MEAK7: variants seen among roughly 807,000 people sequenced by gnomAD.
MEAK7 encodes the protein MTOR associated protein MEAK7, also known as MTOR-associated protein MEAK7.
A neutral mutation model predicts 40.5 loss-of-function variants in MEAK7; 68 were observed. The ratio of observed to expected loss-of-function variants is 1.68; its 90% CI spans 1.38 to 2.06. The LOEUF (loss-of-function observed/expected upper bound fraction) is 2.06. MEAK7 is among the 30% of genes most tolerant of loss of function. MEAK7 has a pLI of 0.00. For missense variants in MEAK7, 918 were observed against 580.5 expected (o/e 1.58, Z -5.98); for synonymous variants, 338 against 231.9 (o/e 1.46, Z -4.16).
chr16:84,489,386 G>C lies in MEAK7; in HGVS notation c.421C>G (p.Leu141Val). 6.2e-7 allele frequency: 1 copy of C among 1,613,980 alleles called. No homozygotes were observed. Among genetic ancestry groups the C allele is most frequent in the Non-Finnish European group, 8.5e-7 (1 of 1,179,946 alleles). Residue 141 changes from leucine (L) to valine (V), a missense_variant, in exon 4 of 8, where the codon CTA becomes GTA. Physicochemically the swap from Leu to Val is conservative, Grantham distance 32. Transcript: ENST00000343629. ...EDLVGSVVHV[L>V]SHRQELRGWT... The stretch of plus-strand genomic sequence containing the variant: ...CCTCTCAGCTCCTGTCTGTGGCTTA[G>C]CACGTGCACCACAGAGCCAACCAGA...
At chr16:84,495,640 A>G (rs1360011486) in intron 3 of MEAK7, 43 bp downstream of exon 3, 4 of 1,599,196 alleles carry the variant, frequency 2.5e-6, no homozygotes, top group Non-Finnish European at 3.4e-6. Flanking sequence ...GATGGTCACC[A>G]AGACTGCTGA....
chr16:84,495,223 C>T (rs1295800936), intron 3 of MEAK7, among the ~76,000 whole-genome samples: 2 of 152,072 alleles, frequency 1.3e-5, no homozygotes, highest in Admixed American at 6.5e-5. Context: ...GAGTCAAGAT[C>T]GCGCCACTCA....
intron 1 of MEAK7, 130 bp from the exon 2 acceptor site, chr16:84,498,241 G>T: frequency 9.0e-7 from 1 of 1,111,744 alleles, no homozygotes; most frequent in Non-Finnish European, 1.2e-6. Context: ...ACACATCAGA[G>T]CTACATAATA....
intron 1 of MEAK7, chr16:84,504,003 C>G (rs1914698269): frequency 3.0e-6 from 3 of 985,508 alleles, no homozygotes; most frequent in Non-Finnish European, 3.6e-6. Flanking sequence ...GGACAGGCTT[C>G]GAAGTCCTGT....
rs1037395996 is a variant in MEAK7, at chr16:84,479,415, G to A, written c.*498C>T. ...GCTAATGCCAGCGGAATTCCCTAATGCCAGCGGAATTCCCTAATGCCAGCG... is the reference window on the plus strand; with the variant it reads ...GCTAATGCCAGCGGAATTCCCTAATACCAGCGGAATTCCCTAATGCCAGCG... On this transcript the variant is annotated 3_prime_UTR_variant, in exon 8 of 8. Coordinates refer to ENST00000343629, the MANE Select transcript of MEAK7 (RefSeq NM_020947.4). The A allele has an allele frequency of 6.7e-6, 1 of 149,912 alleles. No homozygotes were observed. Among genetic ancestry groups the A allele is most frequent in the Non-Finnish European group, 1.5e-5 (1 of 67,624 alleles). 9.3% of individuals were successfully genotyped at this position (149,912 alleles called of 1,614,324 possible).
chr16:84,480,709 C>T lies in MEAK7; in HGVS notation c.1078-1G>A, dbSNP rs754594443. Reference sequence around the variant, plus strand: ...AGTAATTGTGCTGCCCCCCCATACCCTGCAAAGGAAGCCAGGACAGAGAAT... The same window carrying T: ...AGTAATTGTGCTGCCCCCCCATACCTTGCAAAGGAAGCCAGGACAGAGAAT... On this transcript the variant is annotated splice_acceptor_variant, in intron 6 of 7. Transcript: ENST00000343629. LOFTEE classifies it high-confidence loss of function. The T allele has an allele frequency of 6.2e-7, 1 of 1,609,300 alleles. No homozygotes were observed. The highest frequency in any genetic ancestry group is 8.5e-7 in the Non-Finnish European group (1 of 1,177,642).
intron 2 of MEAK7, chr16:84,497,573 C>G (rs1914152567): frequency 7.7e-7 from 1 of 1,301,102 alleles, no homozygotes; most frequent in African/African-American, 1.5e-5. Flanking sequence ...TATCTCTCTC[C>G]TCTGATGTTC....
chr16:84,492,569 T>TTTATTTATTTA (rs112860791), intron 3 of MEAK7, among the ~76,000 whole-genome samples: 12 of 146,702 alleles, frequency 8.2e-5, no homozygotes, highest in East Asian at 3.9e-4. Flanking sequence ...AAGTGTTTTA[T>TTTATTTATTTA]TTTATTTATT....
intron 4 of MEAK7, 194 bp from the exon 5 acceptor site, chr16:84,487,253 G>T (rs1037905685): frequency 5.8e-6 from 3 of 516,694 alleles, no homozygotes; most frequent in South Asian, 7.4e-5. Flanking sequence ...TATGAAAAAA[G>T]AATGTAAAAT....
At chr16:84,502,671 G>A (rs961799723) in intron 1 of MEAK7, 1 of 151,692 alleles carries the variant, frequency 6.6e-6, no homozygotes, top group Non-Finnish European at 1.5e-5. Context: ...AGGAGTTTGA[G>A]ACCAGCCTGG....
intron 3 of MEAK7, among the ~76,000 whole-genome samples, chr16:84,491,790 T>C (rs1913636798): frequency 6.8e-6 from 1 of 147,700 alleles, no homozygotes; most frequent in Admixed American, 6.8e-5. Flanking sequence ...GTGACTGAGA[T>C]CGCGCCACTG....
chr16:84,498,209 A>G, intron 1 of MEAK7, 98 bp from the exon 2 acceptor site: 1 of 1,381,266 alleles, frequency 7.2e-7, no homozygotes, highest in South Asian at 1.4e-5. Flanking sequence ...ATATACTGAT[A>G]TAGCCACAAA....
In MEAK7 at chr16:84,478,439, G is replaced by C. The variant is rs530355401; in HGVS notation, c.*1474C>G. On this transcript the variant is annotated 3_prime_UTR_variant, in exon 8 of 8. Transcript: ENST00000343629. The stretch of plus-strand genomic sequence containing the variant: ...GAAAATGCAAGGCCTGCAAAAATGC[G>C]AACAGCTCGATTTACTATGGCTTAT... 6.6e-6 allele frequency: 1 copy of C among 152,316 alleles called. No individual in the cohort carries two copies. Among genetic ancestry groups the C allele is most frequent in the Non-Finnish European group, 1.5e-5 (1 of 68,036 alleles). The allele number at this position is 152,316 out of a possible 1,614,324, so 9.4% of individuals were successfully genotyped here. A position where few individuals can be genotyped will look rare whatever the true frequency, so the allele number is the denominator to read the frequency against.
chr16:84,491,846 A>G (rs1195274242), intron 3 of MEAK7, among the ~76,000 whole-genome samples: 2 of 152,074 alleles, frequency 1.3e-5, no homozygotes, highest in Non-Finnish European at 2.9e-5. Flanking sequence ...CAAAAAAAAA[A>G]AAAAGAAAAG....
At chr16:84,483,352 A>C (rs777841931) in intron 5 of MEAK7, among the ~76,000 whole-genome samples, 5 of 152,268 alleles carry the variant, frequency 3.3e-5, no homozygotes, top group Non-Finnish European at 7.3e-5. Context: ...CACTGGGGAC[A>C]GGGCCGTAGG....
At position 84,504,585 on chromosome 16, in the gene MEAK7, C is replaced by T. The variant is rs1464019982; in HGVS notation, c.-26+16G>A. The T allele has an allele frequency of 2.0e-6, 2 of 985,722 alleles. No individual in the cohort carries two copies. Among genetic ancestry groups the T allele is most frequent in the African/African-American group, 1.7e-5 (1 of 57,258 alleles). The allele number at this position is 985,722 out of a possible 1,614,324, so 61.1% of individuals were successfully genotyped here. ...CTCTGGGTCAGCTCACTGCGAACCT[C>T]AGCCCAGGTACCTACCCTGCCGGGC... On this transcript the variant is annotated intron_variant, in intron 1 of 7. Coordinates refer to ENST00000343629, the MANE Select transcript of MEAK7 (RefSeq NM_020947.4).
At position 84,476,639 on chromosome 16, in the gene MEAK7, T is replaced by C. The variant is rs1252711669; in HGVS notation, c.*3274A>G. The C allele has an allele frequency of 6.6e-6, 1 of 152,048 alleles. No individual in the cohort carries two copies. The highest frequency in any genetic ancestry group is 2.1e-4 in the South Asian group (1 of 4,812). The allele number at this position is 152,048 out of a possible 1,614,324, so 9.4% of individuals were successfully genotyped here. On this transcript the variant is annotated 3_prime_UTR_variant, in exon 8 of 8. Coordinates refer to ENST00000343629, the MANE Select transcript of MEAK7 (RefSeq NM_020947.4). ...GCTAGGCCCGAGAGCATCCATATGG[T>C]GGGACATCACGCAGTCCATAAAGAC... is the stretch of plus-strand genomic sequence containing the variant.
At position 84,477,688 on chromosome 16, in the gene MEAK7, A is replaced by C. The variant is rs1035550570; in HGVS notation, c.*2225T>G. On this transcript the variant is annotated 3_prime_UTR_variant, in exon 8 of 8. Transcript: ENST00000343629. ...CCTGAATTCTCATTCTGGTTTCACA[A>C]AAGAACAAACTATTCATTTGTGCAA... is the stretch of plus-strand genomic sequence containing the variant. 1 of 151,964 alleles carries C rather than the reference A, an allele frequency of 6.6e-6. No homozygotes were observed. The highest frequency in any genetic ancestry group is 1.9e-4 in the East Asian group (1 of 5,188). The allele number at this position is 151,964 out of a possible 1,614,324, so 9.4% of individuals were successfully genotyped here. A position where few individuals can be genotyped will look rare whatever the true frequency, so the allele number is the denominator to read the frequency against.
chr16:84,502,217 C>G (rs1914560125), intron 1 of MEAK7, among the ~76,000 whole-genome samples: 1 of 151,724 alleles, frequency 6.6e-6, no homozygotes, highest in African/African-American at 2.4e-5. Context: ...ACCAGTGGAG[C>G]TCGACTGGAG....
Sources: gnomAD v4.1 joint callset for allele counts (sites outside exome capture counted in the v4.1 genomes callset) on GRCh38, gnomAD v4.1.1 for gene constraint, MANE v1.5 for transcripts, NCBI Gene and HGNC (gene_info 2026-07-23, HGNC 2026-07-21) for gene names.